The following SCN8A variants were observed in gnomAD, a reference collection of about 807,000 sequenced individuals.
The protein encoded by SCN8A is sodium voltage-gated channel alpha subunit 8, also known as sodium channel protein type 8 subunit alpha.
Under a neutral mutation model 184.1 loss-of-function variants are expected in SCN8A, and 30 were observed. The ratio of observed to expected loss-of-function variants is 0.16; its 90% CI spans 0.12 to 0.22. The LOEUF is 0.22. Among genes scored for constraint, SCN8A ranks in the 10% least tolerant of loss-of-function variants. The pLI, the probability that SCN8A is intolerant of heterozygous loss-of-function variation, is 1.00. For missense variants in SCN8A, 1,057 were observed against 2,498.9 expected (o/e 0.42, Z 12.30); for synonymous variants, 852 against 907.0 (o/e 0.94, Z 1.09).
In SCN8A at chr12:51,806,677, G is replaced by A; in HGVS notation, c.5191G>A (p.Gly1731Ser). ...CCTAGATAAGGAACACCCAGGGAGT[G>A]GCTTTAAGGGAGATTGTGGGAACCC... is the stretch of plus-strand genomic sequence containing the variant. Reference protein sequence around the residue: ...CSLDKEHPGSGFKGDCGNPSV... With the variant: ...CSLDKEHPGSSFKGDCGNPSV... The change falls in exon 27 of 27, where the codon GGC (glycine) becomes AGC (serine). Residue 1731 changes from glycine (G) to serine (S), a missense_variant. By Grantham distance (56) the Gly-to-Ser change is moderately conservative. Transcript: ENST00000627620. The surrounding 1 kb of genome is among the most constrained non-coding windows in gnomAD (Gnocchi z 8.7). 6.2e-7 allele frequency: 1 copy of A among 1,614,130 alleles called. No individual in the cohort carries two copies.
intron 24 of SCN8A, among the ~76,000 whole-genome samples, chr12:51,789,651 A>G (rs373778969): frequency 7.9e-5 from 12 of 152,292 alleles, no homozygotes; most frequent in East Asian, 3.9e-4. Context: ...CTTGAGGCCT[A>G]TTACTGGTCT....
Position 51,794,674 on chromosome 12 carries a change from A to T in SCN8A, c.4795+33A>T. ...GGGTTGGGGAAGTAGGCGAGGGGAA[A>T]GGGGACCTGACTGATTGTGAGGATG... On this transcript the variant is annotated intron_variant, in intron 26 of 26. Coordinates refer to ENST00000627620, the MANE Select transcript of SCN8A (RefSeq NM_001330260.2). The T allele has an allele frequency of 2.5e-6, 4 of 1,599,548 alleles. No homozygotes were observed. In the South Asian group the frequency reaches 3.4e-5, roughly 13 times the overall value.
At chr12:51,801,298 C>A (rs1451098876) in intron 26 of SCN8A, among the ~76,000 whole-genome samples, 2 of 152,166 alleles carry the variant, frequency 1.3e-5, no homozygotes, top group Admixed American at 6.6e-5. Context: ...AGTTAAGTGA[C>A]TGCAGTTCCC....
chr12:51,649,158 A>G (rs902691464), intron 1 of SCN8A, among the ~76,000 whole-genome samples: 3 of 152,340 alleles, frequency 2.0e-5, no homozygotes, highest in Admixed American at 2.0e-4. Flanking sequence ...CCTCATGTCC[A>G]TGTCACACTG....
chr12:51,724,389 A>G (rs1942123278), intron 12 of SCN8A, among the ~76,000 whole-genome samples: 2 of 151,898 alleles, frequency 1.3e-5, no homozygotes, highest in Non-Finnish European at 2.9e-5. Flanking sequence ...GGAGGCTGTA[A>G]TGAGCCAAGA....
In SCN8A at chr12:51,809,257, G is replaced by C. The variant is rs977311169; in HGVS notation, c.*1828G>C. 7 of 152,176 alleles carry C rather than the reference G, an allele frequency of 4.6e-5. No homozygotes were observed. The highest frequency in any genetic ancestry group is 1.7e-4 in the African/African-American group (7 of 41,440). The allele number at this position is 152,176 out of a possible 1,614,324, so 9.4% of individuals were successfully genotyped here. A position where few individuals can be genotyped will look rare whatever the true frequency, so the allele number is the denominator to read the frequency against. ...CAAGATGCTGCAGTTGAATGTGTCA[G>C]GAAGTCTCTATACAAAGAGTGAAAA... is the stretch of plus-strand genomic sequence containing the variant. On this transcript the variant is annotated 3_prime_UTR_variant, in exon 27 of 27. Coordinates refer to ENST00000627620, the MANE Select transcript of SCN8A (RefSeq NM_001330260.2).
intron 6 of SCN8A, 52 bp downstream of exon 6, chr12:51,689,148 C>A: frequency 7.5e-7 from 1 of 1,331,244 alleles, no homozygotes; most frequent in Middle Eastern, 1.8e-4. Flanking sequence ...TCTTTCTCCT[C>A]CATTCGTTTT....
chr12:51,806,701 C>A lies in SCN8A; in HGVS notation c.5215C>A (p.Pro1739Thr), dbSNP rs2138943171. Residue 1739 changes from proline to threonine, a missense_variant, in exon 27 of 27, where the codon CCC becomes ACC. Pro to Thr is a conservative substitution (Grantham distance 38). Transcript: ENST00000627620. This position sits in a 1 kb window ranked among gnomAD's most constrained non-coding sequence, Gnocchi z 8.7. ...GSGFKGDCGN[P>T]SVGIFFFVSY... ...TGGCTTTAAGGGAGATTGTGGGAAC[C>A]CCTCAGTGGGCATCTTCTTCTTTGT... 6.2e-7 allele frequency: 1 copy of A among 1,614,058 alleles called. No individual in the cohort carries two copies. The highest frequency in any genetic ancestry group is 1.1e-5 in the South Asian group (1 of 91,076).
intron 1 of SCN8A, among the ~76,000 whole-genome samples, chr12:51,622,382 A>G (rs2138598853): frequency 6.6e-6 from 1 of 152,308 alleles, no homozygotes; most frequent in Non-Finnish European, 1.5e-5. Flanking sequence ...TCCAGGATTC[A>G]GTCAAGAGTA....
chr12:51,607,234 T>A (rs1348628428), intron 1 of SCN8A, among the ~76,000 whole-genome samples: 1 of 152,202 alleles, frequency 6.6e-6, no homozygotes, highest in Non-Finnish European at 1.5e-5. Context: ...GCTTGGTTGC[T>A]GTTGGTGTAT....
At chr12:51,737,532 T>C (rs1287237063) in intron 12 of SCN8A, among the ~76,000 whole-genome samples, 1 of 152,230 alleles carries the variant, frequency 6.6e-6, no homozygotes, top group Non-Finnish European at 1.5e-5. Context: ...ATCCAATTAA[T>C]ATCCCCTAGT....
At chr12:51,783,465 G>T (rs1391199274) in intron 21 of SCN8A, among the ~76,000 whole-genome samples, 3 of 152,138 alleles carry the variant, frequency 2.0e-5, no homozygotes, top group East Asian at 1.9e-4. Flanking sequence ...TCAGAGCTTC[G>T]CTTGAGAGGG....
At chr12:51,677,345 C>G (rs1941239856) in intron 2 of SCN8A, among the ~76,000 whole-genome samples, 1 of 152,024 alleles carries the variant, frequency 6.6e-6, no homozygotes, top group Admixed American at 6.6e-5. Flanking sequence ...TTCTTGGCCT[C>G]CAAGAGTGCT....
intron 1 of SCN8A, among the ~76,000 whole-genome samples, chr12:51,637,710 C>T (rs1054314600): frequency 6.6e-6 from 1 of 152,134 alleles, no homozygotes; most frequent in African/African-American, 2.4e-5. Flanking sequence ...AAGTCATCTC[C>T]AGAACATGAC....
chr12:51,762,424 ATGT>A, intron 14 of SCN8A, 76 bp from the exon 15 acceptor site: 9 of 1,334,756 alleles, frequency 6.7e-6, no homozygotes, highest in Non-Finnish European at 8.4e-6. Flanking sequence ...TTTCTTGGAC[ATGT>A]TGTTTTCAAA....
chr12:51,737,035 C>A (rs1367916439), intron 12 of SCN8A, among the ~76,000 whole-genome samples: 2 of 152,342 alleles, frequency 1.3e-5, no homozygotes, highest in East Asian at 3.9e-4. Flanking sequence ...AAAACTGAAA[C>A]AGCTTCGTTT....
intron 19 of SCN8A, among the ~76,000 whole-genome samples, chr12:51,772,703 G>A (rs955721326): frequency 2.0e-5 from 3 of 152,012 alleles, no homozygotes; most frequent in Admixed American, 6.6e-5. Context: ...AAGTGGAGCC[G>A]GGCACGGTAG....
chr12:51,714,708 C>T (rs1941937481), intron 11 of SCN8A, among the ~76,000 whole-genome samples: 1 of 152,214 alleles, frequency 6.6e-6, no homozygotes, highest in East Asian at 1.9e-4. Context: ...ACATCCCAGT[C>T]ATGTAAGCCT....
At chr12:51,780,808 A>G (rs1197015073) in intron 21 of SCN8A, 37 bp downstream of exon 21, 10 of 1,542,322 alleles carry the variant, frequency 6.5e-6, no homozygotes, top group Non-Finnish European at 8.7e-6. Flanking sequence ...TCTGCATGCC[A>G]GTGGAAACTG....
Sources: gnomAD v4.1 joint callset for allele counts (sites outside exome capture counted in the v4.1 genomes callset) on GRCh38, gnomAD v4.1.1 for gene constraint, Gnocchi (gnomAD v3.1) non-coding constraint, MANE v1.5 for transcripts, NCBI Gene and HGNC (gene_info 2026-07-23, HGNC 2026-07-21) for gene names.